The following ZBTB20 variants were observed in gnomAD, a reference collection of about 807,000 sequenced individuals.
ZBTB20 encodes zinc finger and BTB domain containing 20, also known as zinc finger and BTB domain-containing protein 20.
ZBTB20 carries 9 observed loss-of-function variants against 56.9 expected under a neutral mutation model. The observed-to-expected ratio is 0.16, with a 90% CI of 0.10 to 0.28. ZBTB20 has a LOEUF of 0.28. Ranked by LOEUF, ZBTB20 falls within the 10% of genes least tolerant of loss-of-function variation. The pLI is 1.00. For missense variants in ZBTB20, 655 were observed against 1,003.0 expected (o/e 0.65, Z 4.69); for synonymous variants, 417 against 420.7 (o/e 0.99, Z 0.11).
intron 2 of ZBTB20, among the ~76,000 whole-genome samples, chr3:114,978,206 A>G (rs188569594): frequency 1.3e-5 from 2 of 150,358 alleles, no homozygotes; most frequent in East Asian, 3.9e-4. Flanking sequence ...TAGAATTGTG[A>G]GTTCTCTTCT....
intron 3 of ZBTB20, among the ~76,000 whole-genome samples, chr3:114,969,764 T>G (rs1347107059): frequency 6.6e-6 from 1 of 152,190 alleles, no homozygotes; most frequent in Non-Finnish European, 1.5e-5. Flanking sequence ...AAATTATAGA[T>G]TTTTGTAGGA....
At chr3:114,895,090 T>C (rs1396553016) in intron 4 of ZBTB20, among the ~76,000 whole-genome samples, 2 of 152,222 alleles carry the variant, frequency 1.3e-5, no homozygotes, top group Admixed American at 6.5e-5. Flanking sequence ...ATCATCTAGT[T>C]ATTATTAAAG....
At chr3:114,864,600 T>C (rs1375825831) in intron 4 of ZBTB20, among the ~76,000 whole-genome samples, 1 of 152,048 alleles carries the variant, frequency 6.6e-6, no homozygotes, top group Non-Finnish European at 1.5e-5. Context: ...CCATAAAAAT[T>C]TTCACTGGAT....
intron 6 of ZBTB20, chr3:114,502,858 C>T (rs2109696347): frequency 6.8e-6 from 1 of 146,434 alleles, no homozygotes; most frequent in East Asian, 2.1e-4. Context: ...TTGCTGTCTT[C>T]TCTAACCTTG....
chr3:114,789,140 A>T (rs1411156920), intron 5 of ZBTB20, among the ~76,000 whole-genome samples: 1 of 152,158 alleles, frequency 6.6e-6, no homozygotes, highest in Non-Finnish European at 1.5e-5. Context: ...CATGCATAGG[A>T]TCTAAAGAGC....
At chr3:114,733,843 A>T (rs2065935729) in intron 5 of ZBTB20, among the ~76,000 whole-genome samples, 1 of 152,166 alleles carries the variant, frequency 6.6e-6, no homozygotes, top group Admixed American at 6.6e-5. Flanking sequence ...TCTGATGTAC[A>T]CATAGAGTAA....
chr3:115,073,724 GGA>G (rs532205145), intron 1 of ZBTB20, among the ~76,000 whole-genome samples: 3 of 151,044 alleles, frequency 2.0e-5, no homozygotes, highest in Non-Finnish European at 4.4e-5. Flanking sequence ...TTGTATATAA[GGA>G]GATATTTATA....
At chr3:115,009,967 T>C (rs2079629485) in intron 2 of ZBTB20, among the ~76,000 whole-genome samples, 1 of 151,986 alleles carries the variant, frequency 6.6e-6, no homozygotes, top group Non-Finnish European at 1.5e-5. Context: ...TATTTTTTCT[T>C]TTGTTTTACA....
At chr3:114,604,993 T>C (rs2204038) in intron 6 of ZBTB20, among the ~76,000 whole-genome samples, 3,235 of 151,964 alleles carry the variant, frequency 0.021, 110 homozygotes, top group African/African-American at 0.073. Flanking sequence ...TAAAAATAAG[T>C]AAAATCTATT....
intron 6 of ZBTB20, among the ~76,000 whole-genome samples, chr3:114,555,447 T>C (rs1158120536): frequency 6.6e-6 from 1 of 152,110 alleles, no homozygotes; most frequent in Non-Finnish European, 1.5e-5. Flanking sequence ...GAAGCACATA[T>C]AATATTGTGA....
At chr3:114,814,975 T>C (rs1159758355) in intron 4 of ZBTB20, among the ~76,000 whole-genome samples, 4 of 152,182 alleles carry the variant, frequency 2.6e-5, no homozygotes, top group Admixed American at 2.6e-4. Context: ...CATGTTTCTA[T>C]AGTACTTCTA....
At chr3:114,887,054 A>G (rs2076627727) in intron 4 of ZBTB20, among the ~76,000 whole-genome samples, 1 of 152,188 alleles carries the variant, frequency 6.6e-6, no homozygotes, top group Admixed American at 6.5e-5. Context: ...AGGACATCAC[A>G]TGGCAAGGGG....
At chr3:114,698,131 T>C (rs1578400736) in intron 5 of ZBTB20, among the ~76,000 whole-genome samples, 1 of 152,266 alleles carries the variant, frequency 6.6e-6, no homozygotes, top group South Asian at 2.1e-4. Context: ...CAATCAAAAA[T>C]ATTATTTGAA....
In ZBTB20 at chr3:114,316,821, C is replaced by G. The variant is rs1474109303; in HGVS notation, c.*22184G>C. The G allele has an allele frequency of 7.5e-6, 2 of 265,600 alleles. No homozygotes were observed. The highest frequency in any genetic ancestry group is 4.7e-5 in the African/African-American group (2 of 42,784). 16.5% of individuals were successfully genotyped at this position (265,600 alleles called of 1,614,324 possible). On this transcript the variant is annotated 3_prime_UTR_variant, in exon 12 of 12. Coordinates refer to ENST00000675478, the MANE Select transcript of ZBTB20 (RefSeq NM_001348800.3). ...GGGGCTGACGTGGCAGTGCCAGGCTCGTGCCTGAGTGATTAATGGACATTC... is the reference window on the plus strand; with the variant it reads ...GGGGCTGACGTGGCAGTGCCAGGCTGGTGCCTGAGTGATTAATGGACATTC...
chr3:114,585,085 G>A (rs1364610702), intron 6 of ZBTB20, among the ~76,000 whole-genome samples: 7 of 152,040 alleles, frequency 4.6e-5, no homozygotes, highest in Non-Finnish European at 8.8e-5. Context: ...GGGACCCTCT[G>A]GACTACACAC....
chr3:115,020,770 T>G (rs1056507180), intron 2 of ZBTB20, among the ~76,000 whole-genome samples: 8 of 151,044 alleles, frequency 5.3e-5, no homozygotes, highest in African/African-American at 1.9e-4. Flanking sequence ...TAATACCTAT[T>G]CTCTTCCATT....
At chr3:114,932,190 T>G (rs2076384286) in intron 3 of ZBTB20, among the ~76,000 whole-genome samples, 1 of 152,234 alleles carries the variant, frequency 6.6e-6, no homozygotes, top group African/African-American at 2.4e-5. Flanking sequence ...CCTCTTCAGA[T>G]GTAGGGTTAT....
chr3:114,385,054 C>T (rs2084926984), intron 8 of ZBTB20, among the ~76,000 whole-genome samples: 1 of 152,126 alleles, frequency 6.6e-6, no homozygotes, highest in South Asian at 2.1e-4. Context: ...CTTCACTGGG[C>T]TCCCACCCTC....
chr3:114,921,547 T>C (rs184160066), intron 3 of ZBTB20, among the ~76,000 whole-genome samples: 2 of 152,008 alleles, frequency 1.3e-5, no homozygotes, highest in Admixed American at 6.5e-5. Flanking sequence ...AAGGCCAGCA[T>C]TGCCCTCATA....
Sources: gnomAD v4.1 joint callset for allele counts (sites outside exome capture counted in the v4.1 genomes callset) on GRCh38, gnomAD v4.1.1 for gene constraint, MANE v1.5 for transcripts, NCBI Gene and HGNC (gene_info 2026-07-23, HGNC 2026-07-21) for gene names.